The following KIAA2012 variants were observed in gnomAD, a reference collection of about 807,000 sequenced individuals.
KIAA2012 encodes uncharacterized protein KIAA2012.
KIAA2012 carries 125 observed loss-of-function variants against 150.6 expected under a neutral mutation model. The observed-to-expected ratio is 0.83, with a 90% CI of 0.72 to 0.96. The LOEUF (loss-of-function observed/expected upper bound fraction) is 0.96. Ranked by LOEUF, KIAA2012 falls within the 40% of genes least tolerant of loss-of-function variation. The pLI, the probability that KIAA2012 is intolerant of heterozygous loss-of-function variation, is 0.00. For synonymous variants in KIAA2012, 462 were observed against 504.7 expected, an observed-to-expected ratio of 0.92 and a Z score of 1.13; for missense variants, 1,219 against 1,354.9, an observed-to-expected ratio of 0.90 and a Z score of 1.57.
chr2:202,197,459 A>C (rs959730818), intron 22 of KIAA2012: 2 of 173,168 alleles, frequency 1.2e-5, no homozygotes, highest in Admixed American at 1.1e-4. Context: ...AAGACAGAGA[A>C]GGTCTCTCTT....
chr2:202,080,621 A>G (rs2350354), intron 2 of KIAA2012, among the ~76,000 whole-genome samples: 135,362 of 150,610 alleles, frequency 0.9, 60,921 homozygotes, highest in East Asian at 0.98. Context: ...GCTTGAACCC[A>G]GGAGGCAAAG....
intron 15 of KIAA2012, among the ~76,000 whole-genome samples, chr2:202,180,994 G>A (rs1692107340): frequency 6.6e-6 from 1 of 152,056 alleles, no homozygotes; most frequent in African/African-American, 2.4e-5. Context: ...TTTTGAGACA[G>A]GGTCCCACTC....
intron 15 of KIAA2012, among the ~76,000 whole-genome samples, chr2:202,167,042 G>A (rs753515283): frequency 3.9e-5 from 6 of 151,966 alleles, no homozygotes; most frequent in African/African-American, 1.2e-4. Flanking sequence ...GTGCGGTGGC[G>A]GGTGCCTGTT....
At chr2:202,171,519 G>A (rs937757448) in intron 15 of KIAA2012, among the ~76,000 whole-genome samples, 1 of 152,200 alleles carries the variant, frequency 6.6e-6, no homozygotes, top group East Asian at 1.9e-4. Flanking sequence ...CCTCGCTGGT[G>A]AGCTCAAGAC....
rs1444271201 is a variant in KIAA2012 at position 202,184,820 on chromosome 2, A to G, written c.2187A>G (p.Pro729=). Residue 729 remains proline (P), a synonymous_variant, in exon 16 of 24, where the codon CCA becomes CCG. Transcript: ENST00000498697. ...CCCGGACTGAGCACATCCAGACCCC[A>G]GAAGCAGATATTGTGCAAAAAGTGT... is the stretch of plus-strand genomic sequence containing the variant. The part of the protein sequence containing the change: ...RASRTEHIQT[P]EADIVQKVGR... The G allele has an allele frequency of 1.3e-6, 2 of 1,549,170 alleles. No homozygotes were observed. The highest frequency in any genetic ancestry group is 1.7e-6 in the Non-Finnish European group (2 of 1,146,466).
chr2:202,113,293 C>T, intron 10 of KIAA2012, 43 bp from the exon 11 acceptor site: 1 of 1,480,260 alleles, frequency 6.8e-7, no homozygotes, highest in Non-Finnish European at 9.2e-7. Flanking sequence ...TCTCCCTCAC[C>T]AACACGGTAC....
chr2:202,127,280 T>A (rs949425544), intron 12 of KIAA2012, among the ~76,000 whole-genome samples: 9 of 152,188 alleles, frequency 5.9e-5, no homozygotes, highest in South Asian at 2.1e-4. Flanking sequence ...AATAAAAAAC[T>A]AACCTTGGAT....
intron 13 of KIAA2012, among the ~76,000 whole-genome samples, chr2:202,141,577 C>T (rs1358178169): frequency 1.3e-5 from 2 of 152,210 alleles, no homozygotes; most frequent in African/African-American, 4.8e-5. Flanking sequence ...GCATATGGAA[C>T]ATTGCCAGAG....
chr2:202,081,234 G>C (rs1373013393), intron 2 of KIAA2012, among the ~76,000 whole-genome samples: 1 of 152,122 alleles, frequency 6.6e-6, no homozygotes, highest in Non-Finnish European at 1.5e-5. Context: ...ACCACATCTT[G>C]TTTTTCCATT....
intron 22 of KIAA2012, chr2:202,201,415 TGAA>T (rs1203904833): frequency 2.5e-6 from 4 of 1,590,728 alleles, no homozygotes; most frequent in African/African-American, 2.7e-5. Flanking sequence ...GATTCACCCA[TGAA>T]GAAGTTCCCC....
rs1692473882 is a variant in KIAA2012, at chr2:202,199,550, A to C, written c.3407+2531A>C. Among the ~76,000 whole-genome samples, 3 of 152,310 alleles carry C rather than the reference A, an allele frequency of 2.0e-5. No individual in the cohort carries two copies. In the South Asian group the frequency reaches 6.2e-4, roughly 32 times the overall value. On this transcript the variant is annotated intron_variant, in intron 22 of 23. Coordinates refer to ENST00000498697, the MANE Select transcript of KIAA2012 (RefSeq NM_001277372.4). ...TAACTGCACTACAGTGTAGAGAGAG[A>C]CATACAATGCTGAACTTCCAGAACA...
intron 7 of KIAA2012, among the ~76,000 whole-genome samples, chr2:202,101,116 C>G (rs1452260413): frequency 6.6e-6 from 1 of 152,118 alleles, no homozygotes; most frequent in Non-Finnish European, 1.5e-5. Context: ...ATCTGTGTAT[C>G]CAGATAATAA....
At chr2:202,112,663 C>T (rs535202947) in intron 10 of KIAA2012, among the ~76,000 whole-genome samples, 1 of 152,196 alleles carries the variant, frequency 6.6e-6, no homozygotes, top group African/African-American at 2.4e-5. Flanking sequence ...ATAGGACAAC[C>T]AGTTGGTATC....
rs1257721708 is a variant in KIAA2012, at chr2:202,091,442, C to T, written c.529+513C>T. ...CTCCCGGAAGTGAAATGTTACGACT[C>T]TTCCTCTTAAAAATGGCGGCTCTCC... On this transcript the variant is annotated intron_variant, in intron 3 of 23. Transcript: ENST00000498697. 2.6e-5 allele frequency among the ~76,000 whole-genome samples: 4 copies of T among 152,296 alleles called. No individual in the cohort carries two copies. In the South Asian group the frequency reaches 8.3e-4, roughly 32 times the overall value.
intron 22 of KIAA2012, among the ~76,000 whole-genome samples, chr2:202,198,043 A>G (rs1274931307): frequency 6.6e-6 from 1 of 151,192 alleles, no homozygotes; most frequent in East Asian, 2.0e-4. Context: ...GCATGGTGGC[A>G]GGCACCTGTC....
chr2:202,122,055 A>T (rs1421017323), intron 11 of KIAA2012, among the ~76,000 whole-genome samples: 2 of 152,190 alleles, frequency 1.3e-5, no homozygotes, highest in Non-Finnish European at 2.9e-5. Context: ...AATGAGGAGC[A>T]GCGTGGTGTG....
At chr2:202,163,988 TAAAG>T (rs1207678249) in intron 14 of KIAA2012, among the ~76,000 whole-genome samples, 1 of 151,850 alleles carries the variant, frequency 6.6e-6, no homozygotes, top group East Asian at 1.9e-4. Context: ...AGAGGGGAAT[TAAAG>T]AGAGTGCCAA....
rs560250892 is a variant in KIAA2012 at position 202,138,775 on chromosome 2, G to A, written c.1908+267G>A. Among the ~76,000 whole-genome samples the A allele has an allele frequency of 1.2e-4, 18 of 152,302 alleles. 1 individual carries two copies. The highest frequency in any genetic ancestry group is 4.2e-4 in the South Asian group (2 of 4,818). On this transcript the variant is annotated intron_variant, in intron 13 of 23. Transcript: ENST00000498697. Reference sequence around the variant, plus strand: ...CCTGACTTCTGCAAAGTCAGAAAGGGAATAAGGGAACACAGAAAGGTGGCA... The same window carrying A: ...CCTGACTTCTGCAAAGTCAGAAAGGAAATAAGGGAACACAGAAAGGTGGCA...
intron 11 of KIAA2012, among the ~76,000 whole-genome samples, chr2:202,122,255 A>C (rs1575023477): frequency 6.6e-6 from 1 of 152,222 alleles, no homozygotes; most frequent in African/African-American, 2.4e-5. Context: ...ATGAAGGAAC[A>C]GACAAGAGAA....
Sources: allele counts gnomAD v4.1 joint callset (sites outside exome capture counted in the v4.1 genomes callset), GRCh38; gene constraint gnomAD v4.1.1; transcripts MANE v1.5; gene names NCBI Gene and HGNC (gene_info 2026-07-23, HGNC 2026-07-21).